Variants in WDR70 observed in about 807,000 individuals in gnomAD.
WDR70 encodes WD repeat-containing protein 70.
Under a neutral mutation model 88.6 loss-of-function variants are expected in WDR70, and 53 were observed. The ratio of observed to expected loss-of-function variants is 0.60; its 90% CI spans 0.48 to 0.75. The LOEUF (loss-of-function observed/expected upper bound fraction) is 0.75. Ranked by LOEUF, WDR70 falls within the 30% of genes least tolerant of loss-of-function variation. The pLI, the probability that WDR70 is intolerant of heterozygous loss-of-function variation, is 0.00. For missense variants in WDR70, 610 were observed against 823.2 expected, an observed-to-expected ratio of 0.74 and a Z score of 3.17; for synonymous variants, 280 against 270.0, an observed-to-expected ratio of 1.04 and a Z score of -0.36.
chr5:37,488,178 G>A (rs1453820904), intron 8 of WDR70, among the ~76,000 whole-genome samples: 1 of 149,978 alleles, frequency 6.7e-6, no homozygotes, highest in Non-Finnish European at 1.5e-5. Context: ...AAGTCTGATG[G>A]GTGTGGTCTT....
chr5:37,395,367 T>C (rs966046169), intron 4 of WDR70, among the ~76,000 whole-genome samples: 2 of 152,190 alleles, frequency 1.3e-5, no homozygotes, highest in African/African-American at 2.4e-5. Flanking sequence ...TTTAGACTTT[T>C]AGCATCCTGA....
At chr5:37,586,580 C>T (rs965612084) in intron 9 of WDR70, among the ~76,000 whole-genome samples, 4 of 151,996 alleles carry the variant, frequency 2.6e-5, no homozygotes, top group East Asian at 1.9e-4. Context: ...CACCGGCAGG[C>T]CCCAAGTGTG....
intron 8 of WDR70, among the ~76,000 whole-genome samples, chr5:37,494,594 G>T (rs973385978): frequency 9.2e-5 from 14 of 152,338 alleles, no homozygotes; most frequent in African/African-American, 3.4e-4. Context: ...CTGCAAGATA[G>T]GAGGTTGTGT....
chr5:37,634,484 CTT>C (rs1744905047), intron 10 of WDR70, among the ~76,000 whole-genome samples: 2 of 152,216 alleles, frequency 1.3e-5, no homozygotes, highest in South Asian at 4.2e-4. Context: ...AACCTTACCT[CTT>C]TTGGTGGCAT....
intron 9 of WDR70, among the ~76,000 whole-genome samples, chr5:37,554,437 C>G (rs932054801): frequency 3.9e-5 from 6 of 151,958 alleles, no homozygotes; most frequent in Non-Finnish European, 8.8e-5. Context: ...GGAGGCTTCA[C>G]AATGGAAATA....
chr5:37,493,528 T>G (rs1409838754), intron 8 of WDR70, among the ~76,000 whole-genome samples: 1 of 152,164 alleles, frequency 6.6e-6, no homozygotes, highest in African/African-American at 2.4e-5. Flanking sequence ...TAGAAGCAGA[T>G]TATTTCCCAG....
chr5:37,675,807 C>A (rs533206650), intron 10 of WDR70, among the ~76,000 whole-genome samples: 183 of 152,116 alleles, frequency 1.2e-3, no homozygotes, highest in African/African-American at 4.1e-3. Flanking sequence ...GGCATTGAAT[C>A]TATAAATTAC....
chr5:37,391,963 TG>T, intron 3 of WDR70, 36 bp from the exon 4 acceptor site: 1 of 1,579,520 alleles, frequency 6.3e-7, no homozygotes, highest in South Asian at 1.2e-5. Flanking sequence ...TTGTAACCGT[TG>T]GGATTTTTTT....
At chr5:37,582,625 G>C (rs1283310105) in intron 9 of WDR70, among the ~76,000 whole-genome samples, 1 of 152,228 alleles carries the variant, frequency 6.6e-6, no homozygotes, top group Non-Finnish European at 1.5e-5. Flanking sequence ...CTCAAATGGG[G>C]ATAATAAAAG....
At chr5:37,686,752 C>T (rs1746614995) in intron 10 of WDR70, among the ~76,000 whole-genome samples, 1 of 151,566 alleles carries the variant, frequency 6.6e-6, no homozygotes, top group African/African-American at 2.4e-5. Flanking sequence ...GACAATTTTT[C>T]CAATTGGGAG....
intron 9 of WDR70, among the ~76,000 whole-genome samples, chr5:37,542,919 T>G (rs1324714000): frequency 1.3e-5 from 2 of 152,222 alleles, no homozygotes; most frequent in African/African-American, 4.8e-5. Context: ...AGGGGCCATC[T>G]CTGTTTATTC....
At chr5:37,607,186 C>T (rs1271991004) in intron 10 of WDR70, among the ~76,000 whole-genome samples, 3 of 151,704 alleles carry the variant, frequency 2.0e-5, no homozygotes, top group Non-Finnish European at 4.4e-5. Flanking sequence ...CAGGGATCCA[C>T]CCACCTTGGC....
chr5:37,528,519 A>G (rs1416358567), intron 9 of WDR70, among the ~76,000 whole-genome samples: 1 of 152,138 alleles, frequency 6.6e-6, no homozygotes, highest in African/African-American at 2.4e-5. Flanking sequence ...TAGGAGATAT[A>G]CCTAATGTAA....
At position 37,506,457 on chromosome 5, in the gene WDR70, C is replaced by G; in HGVS notation, c.841-10057C>G. 3.9e-6 allele frequency: 3 copies of G among 767,502 alleles called. No homozygotes were observed. In the South Asian group the frequency reaches 4.1e-5, roughly 10 times the overall value. The allele number at this position is 767,502 out of a possible 1,614,324, so 47.5% of individuals were successfully genotyped here. On this transcript the variant is annotated intron_variant, in intron 8 of 17. Transcript: ENST00000265107. ...AGGACTTTGGTCAATTAAGAAGGCT[C>G]CTCTATGATCTTGCTTATTTCCCCA... is the stretch of plus-strand genomic sequence containing the variant.
At chr5:37,467,178 G>A (rs1303409277) in intron 7 of WDR70, among the ~76,000 whole-genome samples, 2 of 146,838 alleles carry the variant, frequency 1.4e-5, no homozygotes, top group Non-Finnish European at 3.0e-5. Flanking sequence ...AGTGAGCCAT[G>A]ATCGCACCAC....
At chr5:37,637,539 GAC>G (rs2112536049) in intron 10 of WDR70, among the ~76,000 whole-genome samples, 1 of 152,200 alleles carries the variant, frequency 6.6e-6, no homozygotes, top group South Asian at 2.1e-4. Context: ...TTTTGAAAGA[GAC>G]AATTTTAGGA....
At chr5:37,497,656 TTTTC>T (rs1301174673) in intron 8 of WDR70, among the ~76,000 whole-genome samples, 1 of 152,056 alleles carries the variant, frequency 6.6e-6, no homozygotes, top group African/African-American at 2.4e-5. Flanking sequence ...ATAATAGGTA[TTTTC>T]TTTTTCTCTT....
intron 17 of WDR70, among the ~76,000 whole-genome samples, chr5:37,735,354 A>G (rs1181100564): frequency 6.6e-6 from 1 of 152,132 alleles, no homozygotes; most frequent in African/African-American, 2.4e-5. Flanking sequence ...AGCTCTTGCA[A>G]GGTAGGTAGA....
intron 10 of WDR70, among the ~76,000 whole-genome samples, chr5:37,673,583 A>ACCCCCCTCC (rs1746094896): frequency 1.3e-5 from 1 of 76,228 alleles, no homozygotes. Context: ...GACTTTTCTT[A>ACCCCCCTCC]CCCCCCCCCC....
Sources: allele counts gnomAD v4.1 joint callset (sites outside exome capture counted in the v4.1 genomes callset), GRCh38; gene constraint gnomAD v4.1.1; transcripts MANE v1.5; gene names NCBI Gene and HGNC (gene_info 2026-07-23, HGNC 2026-07-21).